Variants in CD160 observed in about 807,000 individuals in gnomAD.
The protein encoded by CD160 is CD160 antigen.
CD160 carries 11 observed loss-of-function variants against 19.2 expected under a neutral mutation model. The ratio of observed to expected loss-of-function variants is 0.57; its 90% CI spans 0.36 to 0.95. The LOEUF is 0.95. Among genes scored for constraint, CD160 ranks in the 40% least tolerant of loss-of-function variants. CD160 has a pLI of 0.01. For missense variants in CD160, 182 were observed against 213.2 expected (o/e 0.85, Z 0.91); for synonymous variants, 75 against 81.1 (o/e 0.93, Z 0.40).
intron 1 of CD160, among the ~76,000 whole-genome samples, chr1:145,720,941 C>G (rs942311010): frequency 2.6e-5 from 4 of 152,138 alleles, no homozygotes; most frequent in Admixed American, 6.5e-5. Context: ...AGAGAGGCAC[C>G]GAGCCCTGGG....
At chr1:145,738,111 C>T in intron 5 of CD160, 1 of 160,976 alleles carries the variant, frequency 6.2e-6, no homozygotes, top group East Asian at 1.7e-4. Context: ...CTCTGTGCCT[C>T]TCTCAGCTCA....
chr1:145,722,914 C>T lies in CD160; in HGVS notation c.-178-1887C>T, dbSNP rs145180750. Among the ~76,000 whole-genome samples the T allele has an allele frequency of 7.4e-4, 113 of 152,238 alleles. 1 individual carries two copies. In the East Asian group the frequency reaches 0.019, roughly 26 times the overall value. ...CGGCGCCACTATTAAGTTTTAGGAC[C>T]AGGATTTGAACACAAACACTCTGGC... On this transcript the variant is annotated intron_variant, in intron 1 of 5. Transcript: ENST00000369288.
chr1:145,723,067 A>G (rs1429448220), intron 1 of CD160, among the ~76,000 whole-genome samples: 4 of 152,058 alleles, frequency 2.6e-5, no homozygotes, highest in Non-Finnish European at 5.9e-5. Flanking sequence ...TTAATATTCC[A>G]TGTTTCAAGA....
chr1:145,730,228 G>C (rs1464644399), intron 3 of CD160, among the ~76,000 whole-genome samples: 1 of 152,200 alleles, frequency 6.6e-6, no homozygotes, highest in Non-Finnish European at 1.5e-5. Flanking sequence ...GCGGAAGCAG[G>C]AGGATTGCTT....
chr1:145,738,317 T>C (rs782688740), intron 5 of CD160, 169 bp from the exon 6 acceptor site: 9 of 408,016 alleles, frequency 2.2e-5, no homozygotes, highest in Non-Finnish European at 4.0e-5. Context: ...AACCCTAATT[T>C]AGTAATAAGA....
In CD160 at chr1:145,728,303, C is replaced by T. The variant is rs1284984143; in HGVS notation, c.-25C>T. ...GCAGAGCCAACATTTGCTTCAAGTT[C>T]CTGGGCCTGCTGACAGCGTGCAGGA... On this transcript the variant is annotated 5_prime_UTR_variant, in exon 3 of 6. Coordinates refer to ENST00000369288, the MANE Select transcript of CD160 (RefSeq NM_007053.4). 6.3e-7 allele frequency: 1 copy of T among 1,595,168 alleles called. No individual in the cohort carries two copies. The highest frequency in any genetic ancestry group is 8.6e-7 in the Non-Finnish European group (1 of 1,165,430).
intron 1 of CD160, among the ~76,000 whole-genome samples, chr1:145,720,036 T>A (rs1171177513): frequency 5.9e-5 from 9 of 152,242 alleles, no homozygotes; most frequent in Admixed American, 5.9e-4. Context: ...TTTTCACTAA[T>A]CTTTAATTGA....
chr1:145,726,540 A>G (rs1421130219), intron 2 of CD160, among the ~76,000 whole-genome samples: 1 of 152,192 alleles, frequency 6.6e-6, no homozygotes, highest in Non-Finnish European at 1.5e-5. Flanking sequence ...ATGAGAACAC[A>G]TGAACCCAGG....
intron 5 of CD160, 90 bp downstream of exon 5, chr1:145,736,224 G>A (rs1553710157): frequency 1.9e-6 from 3 of 1,594,500 alleles, no homozygotes; most frequent in Admixed American, 1.8e-5. Context: ...GAGAAGGTTG[G>A]AAAGGATGTC....
rs1284304 is a variant in CD160 at position 145,732,590 on chromosome 1, G to T, written c.400+1520G>T. On this transcript the variant is annotated intron_variant, in intron 4 of 5. Coordinates refer to ENST00000369288, the MANE Select transcript of CD160 (RefSeq NM_007053.4). ...AAGAGAGCAAGAGAAAGACGACTCTGGAAGGGAGATCTCTAGGAGGTAAAA... is the reference window on the plus strand; with the variant it reads ...AAGAGAGCAAGAGAAAGACGACTCTTGAAGGGAGATCTCTAGGAGGTAAAA... 5.4e-3 allele frequency among the ~76,000 whole-genome samples: 825 copies of T among 152,152 alleles called. 9 individuals carry two copies. Among genetic ancestry groups the T allele is most frequent in the African/African-American group, 0.019 (786 of 41,516 alleles).
At chr1:145,723,776 G>T (rs1459763906) in intron 1 of CD160, among the ~76,000 whole-genome samples, 7 of 152,062 alleles carry the variant, frequency 4.6e-5, no homozygotes, top group African/African-American at 1.7e-4. Flanking sequence ...TAGAGCCAGG[G>T]TTTCACCATG....
chr1:145,733,093 T>A (rs1183273942), intron 4 of CD160, among the ~76,000 whole-genome samples: 2 of 152,124 alleles, frequency 1.3e-5, no homozygotes, highest in African/African-American at 4.8e-5. Context: ...TACAACTATC[T>A]TACTTCTCCA....
rs782439950 is a variant in CD160, at chr1:145,724,213, CTT to C, written c.-178-584_-178-583del. ...CCTGAATACTTGTAAAACTGAAAAA[CTT>C]TTTATTGCATTTCGTCTTTTGTGAA... On this transcript the variant is annotated intron_variant, in intron 1 of 5. Coordinates refer to ENST00000369288, the MANE Select transcript of CD160 (RefSeq NM_007053.4). Among the ~76,000 whole-genome samples the C allele has an allele frequency of 7.9e-5, 12 of 152,228 alleles. No homozygotes were observed. The East Asian group carries it at 1.5e-3, about 20-fold the overall frequency.
chr1:145,733,350 G>T (rs1553709665), intron 4 of CD160, among the ~76,000 whole-genome samples: 1 of 152,078 alleles, frequency 6.6e-6, no homozygotes, highest in East Asian at 1.9e-4. Context: ...TGACGGCCAG[G>T]CTGGTCTCAA....
intron 1 of CD160, among the ~76,000 whole-genome samples, chr1:145,720,741 GT>G (rs1656805232): frequency 1.3e-5 from 2 of 152,172 alleles, no homozygotes; most frequent in Non-Finnish European, 2.9e-5. Context: ...AAAGCTTTAT[GT>G]GTCATCTAAC....
At position 145,738,798 on chromosome 1, in the gene CD160, A is replaced by T. The variant is rs1339321044; in HGVS notation, c.*305A>T. ...ATCGGATAAATATATGCGTTTTTGT[A>T]CCCCAGAAAAACTTTTCCTCCCTCT... On this transcript the variant is annotated 3_prime_UTR_variant, in exon 6 of 6. Transcript: ENST00000369288. The T allele has an allele frequency of 8.3e-6, 2 of 239,930 alleles. No homozygotes were observed. The highest frequency in any genetic ancestry group is 1.6e-5 in the Non-Finnish European group (2 of 125,036). 14.9% of individuals were successfully genotyped at this position (239,930 alleles called of 1,614,324 possible).
chr1:145,721,096 C>A (rs896548466), intron 1 of CD160, among the ~76,000 whole-genome samples: 1 of 152,132 alleles, frequency 6.6e-6, no homozygotes, highest in African/African-American at 2.4e-5. Context: ...CCGGAAAATT[C>A]CCAGACTTCT....
intron 1 of CD160, among the ~76,000 whole-genome samples, chr1:145,722,874 G>A (rs1553707984): frequency 6.6e-6 from 1 of 152,160 alleles, no homozygotes; most frequent in Non-Finnish European, 1.5e-5. Flanking sequence ...GATTACAGGC[G>A]TGAGACACCG....
chr1:145,728,445 G>GCCCTTCCCACAAGCCCA, intron 3 of CD160, 45 bp downstream of exon 3: 1 of 1,259,240 alleles, frequency 7.9e-7, no homozygotes, highest in Non-Finnish European at 1.2e-6. Flanking sequence ...GGAGGATCCT[G>GCCCTTCCCACAAGCCCA]GGCTTGTGGG....
Sources: gnomAD v4.1 joint callset for allele counts (sites outside exome capture counted in the v4.1 genomes callset) on GRCh38, gnomAD v4.1.1 for gene constraint, MANE v1.5 for transcripts, NCBI Gene and HGNC (gene_info 2026-07-23, HGNC 2026-07-21) for gene names.